Variants in GPC6 observed in about 807,000 individuals in gnomAD.
GPC6 encodes glypican-6.
A neutral mutation model predicts 55.2 loss-of-function variants in GPC6; 14 were observed. That is an observed-to-expected ratio of 0.25 (90% confidence interval 0.17 to 0.40). The LOEUF is 0.40. Ranked by LOEUF, GPC6 falls within the 10% of genes least tolerant of loss-of-function variation. The probability of loss-of-function intolerance (pLI) is 1.00; values close to 1 mark genes in which losing one functional copy is unlikely to be tolerated. For missense variants in GPC6, 641 were observed against 708.5 expected, an observed-to-expected ratio of 0.90 and a Z score of 1.08; for synonymous variants, 278 against 259.6, an observed-to-expected ratio of 1.07 and a Z score of -0.68.
intron 4 of GPC6, among the ~76,000 whole-genome samples, chr13:94,262,331 G>A (rs1271568417): frequency 6.6e-6 from 1 of 152,070 alleles, no homozygotes; most frequent in Non-Finnish European, 1.5e-5. Flanking sequence ...CAGAGCAAGG[G>A]GAATTTTTAA....
In GPC6 at chr13:93,830,572, AT is replaced by A. The variant is rs575415599; in HGVS notation, c.711+29del. ...TAATTGAAAACGTGCTTTCTTTCTC[AT>A]TGGTGTTCCTTGTTTATTCTGTTTT... On this transcript the variant is annotated intron_variant, in intron 3 of 8. Coordinates refer to ENST00000377047, the MANE Select transcript of GPC6 (RefSeq NM_005708.5). 2.8e-5 allele frequency: 40 copies of A among 1,419,782 alleles called. No individual in the cohort carries two copies. In the East Asian group the frequency reaches 9.0e-4, roughly 32 times the overall value. The allele number at this position is 1,419,782 out of a possible 1,614,324, so 87.9% of individuals were successfully genotyped here. A position where few individuals can be genotyped will look rare whatever the true frequency, so the allele number is the denominator to read the frequency against.
chr13:93,309,871 A>G (rs1399406086), intron 1 of GPC6, among the ~76,000 whole-genome samples: 2 of 152,178 alleles, frequency 1.3e-5, no homozygotes, highest in South Asian at 2.1e-4. Context: ...GTTCTGGTTG[A>G]TACTTGTTGT....
At chr13:93,489,276 G>T (rs192763883) in intron 1 of GPC6, among the ~76,000 whole-genome samples, 2,032 of 151,494 alleles carry the variant, frequency 0.013, 25 homozygotes, top group Non-Finnish European at 0.021. Context: ...AGATCAGATG[G>T]TTGTAGATGT....
At chr13:94,121,001 G>A (rs1405824964) in intron 4 of GPC6, among the ~76,000 whole-genome samples, 2 of 152,216 alleles carry the variant, frequency 1.3e-5, no homozygotes, top group East Asian at 3.9e-4. Flanking sequence ...AGGAGGCAAG[G>A]CACATTCACA....
At chr13:94,325,233 T>A (rs1877053615) in intron 6 of GPC6, among the ~76,000 whole-genome samples, 1 of 152,102 alleles carries the variant, frequency 6.6e-6, no homozygotes. Context: ...AGGACTATTT[T>A]TAGTGCCCAG....
At chr13:94,316,699 A>G (rs1288710849) in intron 6 of GPC6, among the ~76,000 whole-genome samples, 2 of 145,718 alleles carry the variant, frequency 1.4e-5, no homozygotes, top group Admixed American at 6.8e-5. Context: ...CCTGGGCGAC[A>G]GAGCGAGACT....
At chr13:93,363,232 C>A (rs1440890571) in intron 1 of GPC6, among the ~76,000 whole-genome samples, 1 of 151,506 alleles carries the variant, frequency 6.6e-6, no homozygotes, top group Non-Finnish European at 1.5e-5. Context: ...GTGCTGCACC[C>A]ACTAACTCAT....
chr13:93,953,408 C>T (rs1157818611), intron 3 of GPC6, among the ~76,000 whole-genome samples: 1 of 152,128 alleles, frequency 6.6e-6, no homozygotes. Context: ...TTGGTCTCCA[C>T]TTATTTCATT....
chr13:93,452,575 G>A (rs1176611358), intron 1 of GPC6, among the ~76,000 whole-genome samples: 3 of 152,190 alleles, frequency 2.0e-5, no homozygotes, highest in Admixed American at 6.5e-5. Context: ...TAAGCCTCAA[G>A]TGGAAGCTAT....
intron 3 of GPC6, among the ~76,000 whole-genome samples, chr13:93,913,904 A>G (rs896891594): frequency 5.9e-5 from 9 of 151,768 alleles, no homozygotes; most frequent in African/African-American, 1.9e-4. Flanking sequence ...GATTCACTCC[A>G]CTGTTTCTCA....
chr13:93,349,945 A>G (rs978374257), intron 1 of GPC6, among the ~76,000 whole-genome samples: 2 of 152,228 alleles, frequency 1.3e-5, no homozygotes, highest in Non-Finnish European at 2.9e-5. Context: ...ATAAAAATTA[A>G]AAGTCATATA....
chr13:93,437,287 A>G (rs1031587347), intron 1 of GPC6, among the ~76,000 whole-genome samples: 4 of 152,178 alleles, frequency 2.6e-5, no homozygotes, highest in Admixed American at 2.6e-4. Context: ...AGTGAAAAAG[A>G]GGAGTCATGT....
Position 93,293,430 on chromosome 13 carries a change from A to G in GPC6, c.160+65814A>G, listed in dbSNP as rs111239688. Among the ~76,000 whole-genome samples the G allele has an allele frequency of 7.4e-3, 1,129 of 152,266 alleles. 10 individuals are homozygous for G. The highest frequency in any genetic ancestry group is 0.025 in the African/African-American group (1,020 of 41,556). Reference sequence around the variant, plus strand: ...GTTAGTTAGAACTATGTTACTTGAAACGTTGTTACATTTTTAAAGATTGTT... The same window carrying G: ...GTTAGTTAGAACTATGTTACTTGAAGCGTTGTTACATTTTTAAAGATTGTT... On this transcript the variant is annotated intron_variant, in intron 1 of 8. Transcript: ENST00000377047.
intron 1 of GPC6, among the ~76,000 whole-genome samples, chr13:93,245,644 A>G (rs1876572417): frequency 6.6e-6 from 1 of 152,166 alleles, no homozygotes; most frequent in Non-Finnish European, 1.5e-5. Context: ...TCTGGTTGCC[A>G]TTCATTGTGG....
At chr13:93,332,673 C>G (rs528904738) in intron 1 of GPC6, among the ~76,000 whole-genome samples, 2 of 152,200 alleles carry the variant, frequency 1.3e-5, no homozygotes, top group African/African-American at 4.8e-5. Flanking sequence ...TCTCTTCATT[C>G]TGTTGACTGT....
intron 1 of GPC6, among the ~76,000 whole-genome samples, chr13:93,503,275 C>T (rs1056742322): frequency 6.6e-6 from 1 of 152,128 alleles, no homozygotes; most frequent in Non-Finnish European, 1.5e-5. Flanking sequence ...TGTTGTCTCA[C>T]ACAAGTTTAT....
At chr13:93,955,783 T>G (rs956487537) in intron 3 of GPC6, among the ~76,000 whole-genome samples, 41 of 152,320 alleles carry the variant, frequency 2.7e-4, no homozygotes, top group African/African-American at 9.4e-4. Context: ...GCAATAAACC[T>G]TACTTTAACA....
intron 4 of GPC6, among the ~76,000 whole-genome samples, chr13:94,217,919 G>T (rs1348331836): frequency 6.6e-6 from 1 of 152,136 alleles, no homozygotes; most frequent in Non-Finnish European, 1.5e-5. Flanking sequence ...AGACATATTT[G>T]TTAGTGCCAG....
intron 1 of GPC6, among the ~76,000 whole-genome samples, chr13:93,399,724 C>T (rs1212721388): frequency 2.0e-5 from 3 of 152,172 alleles, no homozygotes; most frequent in Admixed American, 1.3e-4. Flanking sequence ...CTGAGGTGTG[C>T]CAGTGCCCCT....
Sources: allele counts gnomAD v4.1 joint callset (sites outside exome capture counted in the v4.1 genomes callset), GRCh38; gene constraint gnomAD v4.1.1; transcripts MANE v1.5; gene names NCBI Gene and HGNC (gene_info 2026-07-23, HGNC 2026-07-21).